The following SESTD1 variants were observed in gnomAD, a reference collection of about 807,000 sequenced individuals.
SESTD1 encodes SEC14 domain and spectrin repeat-containing protein 1.
Under a neutral mutation model 101.7 loss-of-function variants are expected in SESTD1, and 43 were observed. The observed-to-expected ratio is 0.42, with a 90% confidence interval of 0.33 to 0.55. The LOEUF (loss-of-function observed/expected upper bound fraction) is 0.55, where lower values mean the gene tolerates loss of function less well. Among genes scored for constraint, SESTD1 ranks in the 20% least tolerant of loss-of-function variants. The probability of loss-of-function intolerance (pLI) is 0.07; values close to 1 mark genes in which losing one functional copy is unlikely to be tolerated. For synonymous variants in SESTD1, 283 were observed against 286.8 expected, an observed-to-expected ratio of 0.99 and a Z score of 0.13; for missense variants, 647 against 815.1, an observed-to-expected ratio of 0.79 and a Z score of 2.51.
intron 2 of SESTD1, among the ~76,000 whole-genome samples, chr2:179,185,273 G>A (rs947756471): frequency 2.7e-5 from 4 of 149,360 alleles, no homozygotes; most frequent in East Asian, 1.9e-4. Context: ...ACAAAGCTAT[G>A]AATAAGAATA....
At position 179,116,718 on chromosome 2, in the gene SESTD1, C is replaced by A; in HGVS notation, c.1597G>T (p.Glu533Ter). Residue 533 changes from glutamate to a stop codon, truncating the protein, a stop_gained, in exon 15 of 18, where the codon GAA becomes TAA. Transcript: ENST00000428443. LOFTEE classifies it high-confidence loss of function. The part of the protein sequence containing the change: ...THIRLGDDAQ[E>*]TKVLLEKHRK... ...TGCTTTTCCAGCAAAACTTTCGTTT[C>A]TTGAGCATCATCGCCCAATCTGATG... is the stretch of plus-strand genomic sequence containing the variant. 1 of 1,614,132 alleles carries A rather than the reference C, an allele frequency of 6.2e-7. No individual in the cohort carries two copies. Among genetic ancestry groups the A allele is most frequent in the South Asian group, 1.1e-5 (1 of 91,082 alleles).
At chr2:179,110,490 C>CA (rs1215058777) in intron 17 of SESTD1, among the ~76,000 whole-genome samples, 1 of 152,128 alleles carries the variant, frequency 6.6e-6, no homozygotes, top group Non-Finnish European at 1.5e-5. Flanking sequence ...ATTCTACTCT[C>CA]AAAGATACTG....
chr2:179,234,790 A>G (rs1210321047), intron 1 of SESTD1, among the ~76,000 whole-genome samples: 1 of 152,128 alleles, frequency 6.6e-6, no homozygotes, highest in African/African-American at 2.4e-5. Context: ...TTTCTAAAAA[A>G]TAACTGACTG....
At chr2:179,232,690 A>G (rs773392496) in intron 1 of SESTD1, among the ~76,000 whole-genome samples, 4 of 152,188 alleles carry the variant, frequency 2.6e-5, no homozygotes, top group Non-Finnish European at 5.9e-5. Flanking sequence ...TCTAAAAATT[A>G]ATAAAGAGAT....
chr2:179,237,012 T>C (rs2047078394), intron 1 of SESTD1, among the ~76,000 whole-genome samples: 1 of 152,080 alleles, frequency 6.6e-6, no homozygotes, highest in Non-Finnish European at 1.5e-5. Flanking sequence ...AATCGTATTT[T>C]CTTGATCTAA....
chr2:179,164,296 C>T (rs557085681), intron 5 of SESTD1, among the ~76,000 whole-genome samples: 1 of 152,094 alleles, frequency 6.6e-6, no homozygotes, highest in East Asian at 1.9e-4. Context: ...TATGTATAGT[C>T]TCAAAAAAGA....
At chr2:179,150,129 G>A (rs910985466) in intron 6 of SESTD1, among the ~76,000 whole-genome samples, 17 of 152,184 alleles carry the variant, frequency 1.1e-4, no homozygotes, top group African/African-American at 4.1e-4. Context: ...AGAGGCTGAG[G>A]TGGAAGGACT....
chr2:179,166,137 T>C (rs1575456055), intron 5 of SESTD1, among the ~76,000 whole-genome samples: 1 of 152,158 alleles, frequency 6.6e-6, no homozygotes, highest in Non-Finnish European at 1.5e-5. Context: ...TGTGGGCTAG[T>C]GTGAAAGTAC....
At position 179,121,916 on chromosome 2, in the gene SESTD1, T is replaced by G. The variant is rs764073964; in HGVS notation, c.1296A>C (p.Gln432His). The G allele has an allele frequency of 6.2e-7, 1 of 1,600,824 alleles. No individual in the cohort carries two copies. Among genetic ancestry groups the G allele is most frequent in the Non-Finnish European group, 8.5e-7 (1 of 1,175,982 alleles). ...GACCTTGACCTTTTTCACGCAAACC[T>G]TGCAATCCCACATCTAAAACAAAAG... is the stretch of plus-strand genomic sequence containing the variant. Reference protein sequence around the residue: ...EKLKSVDVGLQGLREKGQGLL... With the variant: ...EKLKSVDVGLHGLREKGQGLL... The change falls in exon 13 of 18, where the codon CAA (glutamine) becomes CAC (histidine). Residue 432 changes from glutamine to histidine, a missense_variant. Around this residue, in one of 3 missense-constraint regions of SESTD1, gnomAD observed 476 missense variants for 562.6 expected, o/e 0.85. Transcript: ENST00000428443.
chr2:179,242,282 C>T (rs2047164896), intron 1 of SESTD1, among the ~76,000 whole-genome samples: 1 of 152,016 alleles, frequency 6.6e-6, no homozygotes, highest in African/African-American at 2.4e-5. Context: ...AAGATCCCTA[C>T]AAAAAGAACT....
intron 14 of SESTD1, among the ~76,000 whole-genome samples, chr2:179,117,176 G>A (rs1013417064): frequency 3.3e-5 from 5 of 152,126 alleles, no homozygotes; most frequent in Admixed American, 1.3e-4. Flanking sequence ...ATATCAAATT[G>A]TTTATCTGGT....
At chr2:179,169,011 C>T (rs765945118) in intron 5 of SESTD1, among the ~76,000 whole-genome samples, 13 of 151,846 alleles carry the variant, frequency 8.6e-5, no homozygotes, top group Non-Finnish European at 1.6e-4. Context: ...AAGCCAATAA[C>T]GGAGTGAGGT....
intron 1 of SESTD1, among the ~76,000 whole-genome samples, chr2:179,196,260 A>G (rs1574026651): frequency 6.6e-6 from 1 of 152,136 alleles, no homozygotes; most frequent in Non-Finnish European, 1.5e-5. Flanking sequence ...GGCTTAAAAA[A>G]CGGCGCACCA....
rs1461052148 is a variant in SESTD1 at position 179,208,644 on chromosome 2, G to C, written c.-25-16778C>G. On this transcript the variant is annotated intron_variant, in intron 1 of 17. Transcript: ENST00000428443. Reference sequence around the variant, plus strand: ...AACTAAGCTTCATAAATGAAGGAGAGATAAAGTATTTTTTAGACAAACAAA... The same window carrying C: ...AACTAAGCTTCATAAATGAAGGAGACATAAAGTATTTTTTAGACAAACAAA... Among the ~76,000 whole-genome samples the C allele has an allele frequency of 1.5e-5, 2 of 134,628 alleles. 1 individual carries two copies. The highest frequency in any genetic ancestry group is 3.2e-5 in the Non-Finnish European group (2 of 62,646). 88.3% of individuals were successfully genotyped at this position (134,628 alleles called of 152,430 possible). A position where few individuals can be genotyped will look rare whatever the true frequency, so the allele number is the denominator to read the frequency against.
chr2:179,114,717 A>C (rs1289003277), intron 16 of SESTD1, among the ~76,000 whole-genome samples: 1 of 152,206 alleles, frequency 6.6e-6, no homozygotes, highest in Non-Finnish European at 1.5e-5. Context: ...TGCCAAAGCA[A>C]AAAGTTTCCC....
intron 1 of SESTD1, among the ~76,000 whole-genome samples, chr2:179,241,522 T>A (rs1206517807): frequency 6.6e-6 from 1 of 151,944 alleles, no homozygotes; most frequent in Admixed American, 6.5e-5. Context: ...AGATTGCTCA[T>A]CAAAAGCCAC....
chr2:179,127,274 C>T (rs1425381652), intron 10 of SESTD1, among the ~76,000 whole-genome samples: 2 of 152,172 alleles, frequency 1.3e-5, no homozygotes, highest in Non-Finnish European at 2.9e-5. Flanking sequence ...TACTTCTCGA[C>T]ATCATTTCAA....
intron 1 of SESTD1, among the ~76,000 whole-genome samples, chr2:179,197,555 G>C (rs199979492): frequency 7.9e-5 from 12 of 152,212 alleles, no homozygotes; most frequent in African/African-American, 2.9e-4. Flanking sequence ...AGGGCAGCCA[G>C]AGAGAAAGGT....
Position 179,143,728 on chromosome 2 carries a change from T to C in SESTD1, c.713A>G (p.Asp238Gly), listed in dbSNP as rs926165845. ...SDGGVSWSPM[D>G]DELLAQPQVM... ...CTGTGGCTGTGCAAGAAGTTCATCA[T>C]CCATAGGAGACCATGAAACCCCTCC... Residue 238 changes from aspartate to glycine, a missense_variant, in exon 9 of 18, where the codon GAT (aspartate) becomes GGT (glycine). By Grantham distance (94) the Asp-to-Gly change is moderately conservative (BLOSUM62 -1). This residue lies in a region of SESTD1 where 476 missense variants were observed against 562.6 expected (regional missense o/e 0.85). Transcript: ENST00000428443. 12 of 1,614,012 alleles carry C rather than the reference T, an allele frequency of 7.4e-6. No individual in the cohort carries two copies. Among genetic ancestry groups the C allele is most frequent in the South Asian group, 1.1e-5 (1 of 91,082 alleles).
Sources: allele counts gnomAD v4.1 joint callset (sites outside exome capture counted in the v4.1 genomes callset), GRCh38; gene constraint gnomAD v4.1.1; regional missense constraint gnomAD v4.1.1; transcripts MANE v1.5; gene names NCBI Gene and HGNC (gene_info 2026-07-23, HGNC 2026-07-21).